Variants in AUH observed in about 807,000 individuals in gnomAD.
AUH encodes the protein methylglutaconyl-CoA hydratase, mitochondrial.
Under a neutral mutation model 42.3 loss-of-function variants are expected in AUH, and 29 were observed. The ratio of observed to expected loss-of-function variants is 0.69; its 90% confidence interval spans 0.51 to 0.93. AUH has a LOEUF of 0.93. Among genes scored for constraint, AUH ranks in the 40% least tolerant of loss-of-function variants. The pLI is 0.00. For missense variants in AUH, 452 were observed against 438.1 expected, an observed-to-expected ratio of 1.03 and a Z score of -0.28; for synonymous variants, 174 against 166.4, an observed-to-expected ratio of 1.05 and a Z score of -0.35.
intron 6 of AUH, among the ~76,000 whole-genome samples, chr9:91,254,773 C>T (rs1426453644): frequency 6.6e-6 from 1 of 152,190 alleles, no homozygotes; most frequent in East Asian, 1.9e-4. Context: ...TATCACAGCA[C>T]ATCTCTTAAC....
chr9:91,223,862 G>A (rs1827278509), intron 6 of AUH, among the ~76,000 whole-genome samples: 1 of 152,092 alleles, frequency 6.6e-6, no homozygotes, highest in Admixed American at 6.5e-5. Context: ...TTTGAAACTT[G>A]CATCTGTTTT....
At chr9:91,241,349 G>A (rs1469046090) in intron 6 of AUH, among the ~76,000 whole-genome samples, 1 of 151,960 alleles carries the variant, frequency 6.6e-6, no homozygotes, top group African/African-American at 2.4e-5. Flanking sequence ...TACATGTGTT[G>A]CACTTTTTCA....
intron 3 of AUH, among the ~76,000 whole-genome samples, chr9:91,337,512 TG>T (rs1830780851): frequency 6.6e-6 from 1 of 152,150 alleles, no homozygotes; most frequent in African/African-American, 2.4e-5. Context: ...CAAGCTCAAT[TG>T]AAGGGCTCCA....
chr9:91,349,615 A>C (rs530366132), intron 3 of AUH, among the ~76,000 whole-genome samples: 1 of 152,086 alleles, frequency 6.6e-6, no homozygotes, highest in South Asian at 2.1e-4. Flanking sequence ...GAAATAGCAG[A>C]ATTGTTTTGA....
At chr9:91,344,943 G>T (rs1027576119) in intron 3 of AUH, among the ~76,000 whole-genome samples, 2 of 150,708 alleles carry the variant, frequency 1.3e-5, no homozygotes, top group African/African-American at 2.4e-5. Context: ...TTGACAGGCT[G>T]AAAAATAATA....
intron 6 of AUH, among the ~76,000 whole-genome samples, chr9:91,240,896 G>A (rs979885736): frequency 1.3e-5 from 2 of 152,034 alleles, no homozygotes; most frequent in Non-Finnish European, 2.9e-5. Flanking sequence ...GCAGCTGAGG[G>A]AGAAGGTCTA....
intron 4 of AUH, among the ~76,000 whole-genome samples, chr9:91,313,820 G>C (rs536763812): frequency 7.8e-6 from 1 of 128,800 alleles, no homozygotes; most frequent in African/African-American, 3.3e-5. Flanking sequence ...GTCCATAAAC[G>C]CTCTTTTTTT....
chr9:91,323,754 G>T (rs1312239710), intron 4 of AUH, among the ~76,000 whole-genome samples: 1 of 151,880 alleles, frequency 6.6e-6, no homozygotes, highest in Non-Finnish European at 1.5e-5. Context: ...GGGAAAAAAA[G>T]ATATAAGACC....
chr9:91,349,540 CCAAT>C (rs1460454251), intron 3 of AUH, among the ~76,000 whole-genome samples: 2 of 152,090 alleles, frequency 1.3e-5, no homozygotes, highest in African/African-American at 4.8e-5. Context: ...ACGCAGCAGC[CCAAT>C]CAGACTTCTT....
chr9:91,258,355 C>T (rs1278502655), intron 6 of AUH, among the ~76,000 whole-genome samples: 1 of 152,188 alleles, frequency 6.6e-6, no homozygotes, highest in Non-Finnish European at 1.5e-5. Flanking sequence ...CCTGCCCCAA[C>T]CTCCCAAGTA....
intron 3 of AUH, among the ~76,000 whole-genome samples, chr9:91,327,623 C>T (rs531543643): frequency 8.9e-4 from 136 of 152,250 alleles, no homozygotes; most frequent in African/African-American, 3.1e-3. Flanking sequence ...TCCTCTTGGT[C>T]GCGGGACAAG....
intron 4 of AUH, among the ~76,000 whole-genome samples, chr9:91,303,497 A>AT (rs1478827278): frequency 1.3e-5 from 2 of 152,002 alleles, no homozygotes; most frequent in African/African-American, 2.4e-5. Context: ...CGCCCAGCTA[A>AT]TTTTTTGTGT....
chr9:91,259,925 T>C (rs956114593), intron 6 of AUH, among the ~76,000 whole-genome samples: 3 of 152,170 alleles, frequency 2.0e-5, no homozygotes, highest in African/African-American at 4.8e-5. Flanking sequence ...TCAAATTGTT[T>C]CCTAATACAC....
At position 91,355,896 on chromosome 9, in the gene AUH, C is replaced by T. The variant is rs754686681; in HGVS notation, c.405G>A (p.Gly135=). 4.3e-6 allele frequency: 7 copies of T among 1,611,010 alleles called. No individual in the cohort carries two copies. The South Asian group carries it at 6.6e-5, about 15-fold the overall frequency. ...ATATTTACATACCAGCACAGAATAT[C>T]CCTGGGACTTCACTCCTGATTATTA... is the stretch of plus-strand genomic sequence containing the variant. ...RTIIIRSEVP[G]IFCAGADLKE... The change falls in exon 3 of 10, where the codon GGG becomes GGA. Residue 135 remains glycine (G), a synonymous_variant. Transcript: ENST00000375731.
intron 6 of AUH, among the ~76,000 whole-genome samples, chr9:91,226,735 G>A (rs1827514488): frequency 1.7e-5 from 2 of 118,396 alleles, no homozygotes; most frequent in Admixed American, 9.0e-5. Context: ...TGTATAAGGT[G>A]TAAGGAAGGG....
intron 3 of AUH, among the ~76,000 whole-genome samples, chr9:91,338,868 G>A (rs1484131916): frequency 6.6e-6 from 1 of 152,212 alleles, no homozygotes; most frequent in Non-Finnish European, 1.5e-5. Flanking sequence ...ACCCTCAAGG[G>A]TGGGAACTGG....
chr9:91,241,482 TTTTTCCTTTTTGAGATTTTGTGTTAGG>T (rs1182272903), intron 6 of AUH, among the ~76,000 whole-genome samples: 3 of 152,280 alleles, frequency 2.0e-5, no homozygotes, highest in Middle Eastern at 3.4e-3. Flanking sequence ...GGCTGGATAT[TTTTTCCTTTTTGAGATTTTGTGTTAGG>T]TTTTCCTTTA....
At chr9:91,322,418 AC>A (rs1010691061) in intron 4 of AUH, among the ~76,000 whole-genome samples, 9 of 152,330 alleles carry the variant, frequency 5.9e-5, no homozygotes, top group African/African-American at 2.2e-4. Flanking sequence ...AGGTACATAA[AC>A]ATGAGGCTGA....
chr9:91,285,329 A>T (rs1826315663), intron 6 of AUH, among the ~76,000 whole-genome samples: 3 of 150,556 alleles, frequency 2.0e-5, no homozygotes, highest in Middle Eastern at 3.4e-3. Context: ...GGAAGGGGGG[A>T]GGGATAGCAT....
Sources: gnomAD v4.1 joint callset for allele counts (sites outside exome capture counted in the v4.1 genomes callset) on GRCh38, gnomAD v4.1.1 for gene constraint, MANE v1.5 for transcripts, NCBI Gene and HGNC (gene_info 2026-07-23, HGNC 2026-07-21) for gene names.